Variants in NME7 observed in about 807,000 individuals in gnomAD.
The protein encoded by NME7 is nucleoside diphosphate kinase 7.
NME7 carries 41 observed loss-of-function variants against 49.1 expected under a neutral mutation model. The observed-to-expected ratio is 0.83, with a 90% CI of 0.65 to 1.08. NME7 has a LOEUF of 1.08. Among genes scored for constraint, NME7 ranks in the 50% least tolerant of loss-of-function variants. NME7 has a pLI of 0.00. For missense variants in NME7, 423 were observed against 463.4 expected (o/e 0.91, Z 0.80); for synonymous variants, 139 against 150.6 (o/e 0.92, Z 0.56).
intron 10 of NME7, among the ~76,000 whole-genome samples, chr1:169,207,943 T>C (rs1660716832): frequency 6.6e-6 from 1 of 152,164 alleles, no homozygotes; most frequent in Non-Finnish European, 1.5e-5. Flanking sequence ...TCAAGGTCCC[T>C]GAAAGCAGCT....
chr1:169,324,323 T>C, intron 2 of NME7, 70 bp downstream of exon 2: 1 of 906,474 alleles, frequency 1.1e-6, no homozygotes, highest in East Asian at 2.5e-5. Flanking sequence ...TAAAAAGCAA[T>C]TATATAAAAG....
chr1:169,361,243 T>A (rs563330960), intron 1 of NME7, among the ~76,000 whole-genome samples: 44 of 152,354 alleles, frequency 2.9e-4, no homozygotes, highest in African/African-American at 9.4e-4. Flanking sequence ...TATGGCATTA[T>A]ATTAACCACT....
At chr1:169,334,471 C>T (rs1286722849) in intron 1 of NME7, among the ~76,000 whole-genome samples, 1 of 152,146 alleles carries the variant, frequency 6.6e-6, no homozygotes, top group Non-Finnish European at 1.5e-5. Flanking sequence ...GAAAGGATCT[C>T]CTATTCAGTA....
In NME7 at chr1:169,147,313, TCTCA is replaced by T. The variant is rs376927845; in HGVS notation, c.1099-14500_1099-14497del. Among the ~76,000 whole-genome samples, 955 of 152,314 alleles carry T rather than the reference TCTCA, an allele frequency of 6.3e-3. 9 individuals carry two copies. Among genetic ancestry groups the T allele is most frequent in the African/African-American group, 0.022 (899 of 41,572 alleles). On this transcript the variant is annotated intron_variant, in intron 11 of 11. Transcript: ENST00000367811. Reference sequence around the variant, plus strand: ...CTTCCCTCATGCTTAGTTTTTCTAGTCTCACTCCCCATCCTATCATGAACTCTAA... The same window carrying T: ...CTTCCCTCATGCTTAGTTTTTCTAGTCTCCCCATCCTATCATGAACTCTAA...
chr1:169,219,255 G>A (rs1024529370), intron 10 of NME7, among the ~76,000 whole-genome samples: 4 of 152,032 alleles, frequency 2.6e-5, no homozygotes, highest in Non-Finnish European at 5.9e-5. Context: ...AACCAACCAC[G>A]GATCAAAAAT....
intron 11 of NME7, among the ~76,000 whole-genome samples, chr1:169,159,727 G>A (rs1659188315): frequency 6.6e-6 from 1 of 152,130 alleles, no homozygotes; most frequent in Non-Finnish European, 1.5e-5. Context: ...CTCTGGCCAG[G>A]AGGGTAGGAG....
At chr1:169,158,360 C>T (rs1659145149) in intron 11 of NME7, among the ~76,000 whole-genome samples, 3 of 152,156 alleles carry the variant, frequency 2.0e-5, no homozygotes, top group African/African-American at 7.2e-5. Flanking sequence ...GAACGGCATA[C>T]AATTTAAAAC....
chr1:169,181,054 G>A (rs1478790281), intron 10 of NME7, among the ~76,000 whole-genome samples: 1 of 152,072 alleles, frequency 6.6e-6, no homozygotes, highest in Non-Finnish European at 1.5e-5. Context: ...CATGCTAATG[G>A]AAACCTTGAA....
chr1:169,157,042 G>C (rs1448014868), intron 11 of NME7, among the ~76,000 whole-genome samples: 7 of 152,134 alleles, frequency 4.6e-5, no homozygotes, highest in Non-Finnish European at 8.8e-5. Flanking sequence ...TGGTGGACGT[G>C]GCCTTTTTAA....
At chr1:169,213,070 G>A (rs1571296235) in intron 10 of NME7, among the ~76,000 whole-genome samples, 1 of 152,214 alleles carries the variant, frequency 6.6e-6, no homozygotes, top group South Asian at 2.1e-4. Context: ...GTGCTGTGAT[G>A]TGCCTTATAA....
intron 7 of NME7, among the ~76,000 whole-genome samples, chr1:169,245,810 TAAAAG>T (rs1462993482): frequency 6.6e-6 from 1 of 152,136 alleles, no homozygotes; most frequent in African/African-American, 2.4e-5. Flanking sequence ...TGCTAACATA[TAAAAG>T]AAATCACAAG....
intron 6 of NME7, among the ~76,000 whole-genome samples, chr1:169,292,222 A>G (rs1322553547): frequency 6.6e-6 from 1 of 152,178 alleles, no homozygotes; most frequent in African/African-American, 2.4e-5. Flanking sequence ...AACTAAAACT[A>G]TAAAACTTCT....
chr1:169,144,387 C>G (rs1195745606), intron 11 of NME7, among the ~76,000 whole-genome samples: 1 of 152,156 alleles, frequency 6.6e-6, no homozygotes, highest in African/African-American at 2.4e-5. Flanking sequence ...CACACTATTT[C>G]TTCAGCCTGG....
intron 10 of NME7, among the ~76,000 whole-genome samples, chr1:169,210,451 TTC>T (rs1370247498): frequency 6.6e-6 from 1 of 152,170 alleles, no homozygotes; most frequent in Non-Finnish European, 1.5e-5. Context: ...GGCAAAATAA[TTC>T]TGTATCAGAT....
At chr1:169,362,837 T>C (rs963953017) in intron 1 of NME7, among the ~76,000 whole-genome samples, 3 of 152,176 alleles carry the variant, frequency 2.0e-5, no homozygotes, top group Non-Finnish European at 4.4e-5. Flanking sequence ...ATTTTAGGCT[T>C]TCGTTAATTC....
intron 10 of NME7, among the ~76,000 whole-genome samples, chr1:169,220,907 G>T (rs562770005): frequency 6.6e-6 from 1 of 152,202 alleles, no homozygotes; most frequent in Admixed American, 6.5e-5. Context: ...GTTATCTCTG[G>T]TTAGGTATAA....
intron 10 of NME7, among the ~76,000 whole-genome samples, chr1:169,171,383 AT>A (rs1294988283): frequency 1.3e-5 from 2 of 151,854 alleles, no homozygotes; most frequent in Non-Finnish European, 2.9e-5. Flanking sequence ...AAAAAAGAAA[AT>A]TTTATTTAAC....
chr1:169,343,429 T>C (rs1214357473), intron 1 of NME7, among the ~76,000 whole-genome samples: 1 of 152,096 alleles, frequency 6.6e-6, no homozygotes, highest in Non-Finnish European at 1.5e-5. Flanking sequence ...GGTTTATTTC[T>C]AGACTCTCAA....
chr1:169,288,462 G>A (rs1016662574), intron 6 of NME7, among the ~76,000 whole-genome samples: 4 of 151,938 alleles, frequency 2.6e-5, no homozygotes, highest in Non-Finnish European at 4.4e-5. Context: ...TGCAAATACT[G>A]CATTTTCAAT....
Sources: allele counts gnomAD v4.1 joint callset (sites outside exome capture counted in the v4.1 genomes callset), GRCh38; gene constraint gnomAD v4.1.1; transcripts MANE v1.5; gene names NCBI Gene and HGNC (gene_info 2026-07-23, HGNC 2026-07-21).